PERM1: variants seen among roughly 807,000 people sequenced by gnomAD.
PERM1 encodes PGC-1 and ERR-induced regulator in muscle protein 1.
PERM1 carries 45 observed loss-of-function variants against 44.1 expected under a neutral mutation model. The ratio of observed to expected loss-of-function variants is 1.02; its 90% CI spans 0.80 to 1.31. The LOEUF (loss-of-function observed/expected upper bound fraction) is 1.31. Among genes scored for constraint, PERM1 ranks in the 50% most tolerant of loss-of-function variants. The pLI, the probability that PERM1 is intolerant of heterozygous loss-of-function variation, is 0.00. For missense variants in PERM1, 1,189 were observed against 1,106.9 expected (o/e 1.07, Z -1.05); for synonymous variants, 565 against 477.1 (o/e 1.18, Z -2.40).
Position 979,653 on chromosome 1 carries a change from C to T in PERM1, c.1377G>A (p.Trp459Ter). 2 of 1,550,266 alleles carry T rather than the reference C, an allele frequency of 1.3e-6. No individual in the cohort carries two copies. The highest frequency in any genetic ancestry group is 8.7e-7 in the Non-Finnish European group (1 of 1,146,916). Residue 459 changes from tryptophan to a stop codon, truncating the protein, a stop_gained, in exon 1 of 3, where the codon TGG (tryptophan) becomes TGA (stop). Coordinates refer to ENST00000433179, the Ensembl canonical transcript of PERM1. LOFTEE classifies it high-confidence loss of function. ...CAGGCCCAGCTCTGCGGGTGGGAGG[C>T]CAGGCGAGGCCAGCGGCGTCGGCTC...
exon 1 of PERM1, chr1:979,547 G>C: frequency 6.5e-7 from 1 of 1,550,016 alleles, no homozygotes; most frequent in Non-Finnish European, 8.7e-7. Flanking sequence ...ACTTGGGTGA[G>C]ACCCAGTGCG....
rs1311050573 is a variant in PERM1, at chr1:980,182, G to C, written c.848C>G (p.Thr283Ser). 3 of 1,550,444 alleles carry C rather than the reference G, an allele frequency of 1.9e-6. No homozygotes were observed. The East Asian group carries it at 7.3e-5, about 38-fold the overall frequency. Residue 283 changes from threonine (T) to serine (S), a missense_variant, in exon 1 of 3, where the codon ACT becomes AGT. By Grantham distance (58) the Thr-to-Ser change is moderately conservative (BLOSUM62 1). Transcript: ENST00000433179. ...GACATCTGGGAGGGCTTCCCAGACA[G>C]TCGTGGACACTGTGTGCAGCTTGGC...
exon 1 of PERM1, chr1:979,298 C>A (rs1331913555): frequency 6.5e-7 from 1 of 1,544,036 alleles, no homozygotes. Flanking sequence ...GGGAGGGTCA[C>A]GGCAAAGCTG....
exon 3 of PERM1, chr1:976,024 T>A: frequency 1.3e-6 from 1 of 758,832 alleles, no homozygotes; most frequent in Non-Finnish European, 2.0e-6. Context: ...CTCAGGTGAG[T>A]CGGAGGGAGC....
Position 980,789 on chromosome 1 carries a change from T to C in PERM1, c.241A>G (p.Thr81Ala), listed in dbSNP as rs570332954. The change falls in exon 1 of 3, where the codon ACA (threonine) becomes GCA (alanine). Residue 81 changes from threonine to alanine, a missense_variant. By Grantham distance (58) the Thr-to-Ala change is moderately conservative. This residue lies in a region of PERM1 where 274 missense variants were observed against 317.9 expected (regional missense o/e 0.86). Coordinates refer to ENST00000433179, the Ensembl canonical transcript of PERM1. ...TGAGACCTGCTGACCGGCTGCTGTG[T>C]GGCCACGTCCTCCTCCTCGCAGCCC... The C allele has an allele frequency of 3.4e-5, 48 of 1,399,800 alleles. No homozygotes were observed. The South Asian group carries it at 6.5e-4, about 19-fold the overall frequency. The allele number at this position is 1,399,800 out of a possible 1,614,324, so 86.7% of individuals were successfully genotyped here. A position where few individuals can be genotyped will look rare whatever the true frequency, so the allele number is the denominator to read the frequency against.
At chr1:978,994 G>A (rs945957682) in exon 1 of PERM1, 38 of 1,527,442 alleles carry the variant, frequency 2.5e-5, no homozygotes, top group Non-Finnish European at 3.2e-5. Flanking sequence ...CAGTGGGAGC[G>A]GGACAGCCGG....
chr1:980,122 G>C (rs1406017314), exon 1 of PERM1: 1 of 1,550,214 alleles, frequency 6.5e-7, no homozygotes, highest in Admixed American at 2.0e-5. Flanking sequence ...CTCGGAGGCA[G>C]GTGTAGACAC....
In PERM1 at chr1:976,184, G is replaced by A. The variant is rs781743006; in HGVS notation, c.2361C>T (p.Ser787=). Residue 787 remains serine, a synonymous_variant, in exon 3 of 3, where the codon AGC becomes AGT. Coordinates refer to ENST00000433179, the Ensembl canonical transcript of PERM1. ...CCGGGCCTGGCTCCTAGGAGCTGGG[G>A]CTGGGGCTGTGGCTGCGGCGCCCTT... is the stretch of plus-strand genomic sequence containing the variant. 6.5e-6 allele frequency: 10 copies of A among 1,546,086 alleles called. No individual in the cohort carries two copies. In the South Asian group the frequency reaches 9.6e-5, roughly 15 times the overall value.
At chr1:976,255 C>T (rs1409059463) in exon 3 of PERM1, 8 of 1,524,908 alleles carry the variant, frequency 5.2e-6, no homozygotes, top group South Asian at 3.7e-5. Flanking sequence ...ATGGTGCCGA[C>T]GTTGGCCAGC....
chr1:980,111 G>T (rs1336301307), exon 1 of PERM1: 2 of 1,550,186 alleles, frequency 1.3e-6, no homozygotes, highest in Non-Finnish European at 1.7e-6. Context: ...TCAGGTTGCG[G>T]CTCGGAGGCA....
exon 1 of PERM1, chr1:980,547 G>T: frequency 6.8e-7 from 1 of 1,462,992 alleles, no homozygotes; most frequent in Non-Finnish European, 9.0e-7. Context: ...CAGTGCTGTG[G>T]CCAGGGGACT....
exon 1 of PERM1, chr1:979,026 G>C (rs1570071359): frequency 6.5e-7 from 1 of 1,538,728 alleles, no homozygotes; most frequent in East Asian, 2.5e-5. Flanking sequence ...CCTCAAGCCT[G>C]TCCTCCCCGA....
At chr1:979,277 C>G (rs747649039) in exon 1 of PERM1, 1 of 1,549,368 alleles carries the variant, frequency 6.5e-7, no homozygotes, top group Non-Finnish European at 8.7e-7. Context: ...AAGAAGAACT[C>G]GTAGGCCTCC....
chr1:980,324 G>C (rs1643759310), exon 1 of PERM1: 1 of 1,550,140 alleles, frequency 6.5e-7, no homozygotes, highest in African/African-American at 1.4e-5. Flanking sequence ...CCAGGCTCAG[G>C]AGCTCCTGCA....
exon 1 of PERM1, chr1:980,039 A>G (rs1368437218): frequency 6.5e-7 from 1 of 1,548,402 alleles, no homozygotes; most frequent in Admixed American, 2.0e-5. Context: ...GCAGGTGTAG[A>G]CACAGCCATG....
chr1:978,338 G>A (rs1001211743), intron 1 of PERM1, among the ~76,000 whole-genome samples: 4 of 148,976 alleles, frequency 2.7e-5, no homozygotes, highest in Non-Finnish European at 6.0e-5. Flanking sequence ...AAACCCCTCT[G>A]TCATGGACAC....
rs1004115582 is a variant in PERM1, at chr1:976,099, G to A, written c.*73C>T. On this transcript the variant is annotated 3_prime_UTR_variant, in exon 3 of 3. Transcript: ENST00000433179. ...GAGGGGTCAGAGGGCCCGGGCGAGG[G>A]CGGCACCTCGTCCTGCCCTGGGCGC... 1.7e-5 allele frequency: 24 copies of A among 1,428,360 alleles called. No individual in the cohort carries two copies. In the South Asian group the frequency reaches 3.2e-4, roughly 19 times the overall value. The allele number at this position is 1,428,360 out of a possible 1,614,324, so 88.5% of individuals were successfully genotyped here. A position where few individuals can be genotyped will look rare whatever the true frequency, so the allele number is the denominator to read the frequency against.
exon 1 of PERM1, chr1:979,641 G>A: frequency 1.3e-6 from 2 of 1,550,270 alleles, no homozygotes; most frequent in Non-Finnish European, 1.7e-6. Flanking sequence ...GCCCAGCTCT[G>A]CGGGTGGGAG....
In PERM1 at chr1:976,479, C is replaced by G; in HGVS notation, c.2275+20G>C. On this transcript the variant is annotated intron_variant, in intron 2 of 2. Coordinates refer to ENST00000433179, the Ensembl canonical transcript of PERM1. ...GTCTGGCTTCTAGGCGCAGCTCCCT[C>G]TGCCCCCAGGCACCCAAACCTGTTT... The G allele has an allele frequency of 1.9e-6, 3 of 1,549,458 alleles. No individual in the cohort carries two copies. Among genetic ancestry groups the G allele is most frequent in the Admixed American group, 2.0e-5 (1 of 50,974 alleles).
Sources: allele counts gnomAD v4.1 joint callset (sites outside exome capture counted in the v4.1 genomes callset), GRCh38; gene constraint gnomAD v4.1.1; regional missense constraint gnomAD v4.1.1; transcripts MANE v1.5; gene names NCBI Gene and HGNC (gene_info 2026-07-23, HGNC 2026-07-21).